MAPRE3: variants seen among roughly 807,000 people sequenced by gnomAD.
The protein encoded by MAPRE3 is microtubule associated protein RP/EB family member 3.
In MAPRE3, 2 loss-of-function variants were observed where a neutral mutation model predicts 30.5. That is an observed-to-expected ratio of 0.07 (90% CI 0.03 to 0.21). The LOEUF (loss-of-function observed/expected upper bound fraction) is 0.21, where lower values mean the gene tolerates loss of function less well. Ranked by LOEUF, MAPRE3 falls within the 10% of genes least tolerant of loss-of-function variation. The pLI is 1.00. For missense variants in MAPRE3, 204 were observed against 351.8 expected, an observed-to-expected ratio of 0.58 and a Z score of 3.36; for synonymous variants, 110 against 127.7, an observed-to-expected ratio of 0.86 and a Z score of 0.93.
At chr2:27,000,287 C>G (rs1666563911) in intron 1 of MAPRE3, among the ~76,000 whole-genome samples, 1 of 152,170 alleles carries the variant, frequency 6.6e-6, no homozygotes, top group Non-Finnish European at 1.5e-5. Flanking sequence ...GGTTGAAAGA[C>G]ATGGTTTCTG....
At chr2:27,008,855 G>T (rs1015067380) in intron 1 of MAPRE3, among the ~76,000 whole-genome samples, 1 of 152,148 alleles carries the variant, frequency 6.6e-6, no homozygotes, top group African/African-American at 2.4e-5. Flanking sequence ...GCCATTGTTT[G>T]GAATACTACT....
intron 1 of MAPRE3, among the ~76,000 whole-genome samples, chr2:26,993,358 G>A (rs926822709): frequency 6.6e-5 from 10 of 151,960 alleles, no homozygotes; most frequent in African/African-American, 2.4e-4. Flanking sequence ...CAACAAGAGT[G>A]GAACTCATCT....
At chr2:27,011,577 G>A (rs1666855981) in intron 1 of MAPRE3, among the ~76,000 whole-genome samples, 1 of 152,168 alleles carries the variant, frequency 6.6e-6, no homozygotes, top group Non-Finnish European at 1.5e-5. Context: ...CGGACCTGGT[G>A]GCTCATGCCT....
intron 1 of MAPRE3, among the ~76,000 whole-genome samples, chr2:27,007,313 G>A (rs1409195079): frequency 6.6e-6 from 1 of 152,186 alleles, no homozygotes; most frequent in Non-Finnish European, 1.5e-5. Flanking sequence ...AAGAAGTTTG[G>A]ACTTGGTTAA....
At chr2:27,007,862 C>T (rs1243950795) in intron 1 of MAPRE3, among the ~76,000 whole-genome samples, 1 of 152,220 alleles carries the variant, frequency 6.6e-6, no homozygotes, top group African/African-American at 2.4e-5. Flanking sequence ...GTATTTGATT[C>T]TACTCAGAGA....
intron 1 of MAPRE3, among the ~76,000 whole-genome samples, chr2:26,989,103 G>A (rs1031600608): frequency 6.6e-6 from 1 of 152,116 alleles, no homozygotes; most frequent in African/African-American, 2.4e-5. Context: ...CAGCACCAAT[G>A]TATCCCACAT....
rs1204194047 is a variant in MAPRE3, at chr2:26,986,373, A to G, written c.-8+15571A>G. 2.6e-5 allele frequency: 4 copies of G among 152,224 alleles called. No individual in the cohort carries two copies. The highest frequency in any genetic ancestry group is 5.9e-5 in the Non-Finnish European group (4 of 68,036). The allele number at this position is 152,224 out of a possible 1,614,324, so 9.4% of individuals were successfully genotyped here. A position where few individuals can be genotyped will look rare whatever the true frequency, so the allele number is the denominator to read the frequency against. ...ATGTTCCAGGGATTAGGACACGGACATCTTTGAGAACCTACCATAGTCTGT... is the reference window on the plus strand; with the variant it reads ...ATGTTCCAGGGATTAGGACACGGACGTCTTTGAGAACCTACCATAGTCTGT... On this transcript the variant is annotated intron_variant, in intron 1 of 6. Coordinates refer to ENST00000233121, the MANE Select transcript of MAPRE3 (RefSeq NM_012326.4). The surrounding 1 kb of genome is among the most constrained non-coding windows in gnomAD (Gnocchi z 4.2).
At chr2:26,995,425 C>G (rs1666430103) in intron 1 of MAPRE3, 1 of 152,174 alleles carries the variant, frequency 6.6e-6, no homozygotes, top group South Asian at 2.1e-4. Flanking sequence ...GGCAGGGAAA[C>G]TGCAAGTTGA....
At chr2:27,022,480 A>T in intron 2 of MAPRE3, 141 bp downstream of exon 2, 1 of 1,123,316 alleles carries the variant, frequency 8.9e-7, no homozygotes, top group Non-Finnish European at 1.3e-6. Context: ...TCCTTAGGCG[A>T]TGTTGTTGTT....
chr2:26,970,750 C>A lies in MAPRE3; in HGVS notation c.-60C>A. The A allele has an allele frequency of 6.5e-6, 1 of 153,022 alleles. No individual in the cohort carries two copies. The highest frequency in any genetic ancestry group is 2.0e-4 in the South Asian group (1 of 4,996). The allele number at this position is 153,022 out of a possible 1,614,324, so 9.5% of individuals were successfully genotyped here. On this transcript the variant is annotated 5_prime_UTR_variant, in exon 1 of 7. Transcript: ENST00000233121. ...GGAGCCGCAGCCTCTGCCGCAGCGCCCCCGCCACCTGTCCCCTCCCCCTCC... is the reference window on the plus strand; with the variant it reads ...GGAGCCGCAGCCTCTGCCGCAGCGCACCCGCCACCTGTCCCCTCCCCCTCC...
chr2:27,025,636 C>A lies in MAPRE3; in HGVS notation c.523C>A (p.Leu175Met). The A allele has an allele frequency of 6.2e-7, 1 of 1,607,100 alleles. No individual in the cohort carries two copies. The highest frequency in any genetic ancestry group is 8.5e-7 in the Non-Finnish European group (1 of 1,176,484). The stretch of plus-strand genomic sequence containing the variant: ...AAAAAACATGCAGACCTCTGGCCGG[C>A]TGAGCAATGTGGCCCCCCCCTGCAT... ...GPKNMQTSGR[L>M]SNVAPPCILR... The change falls in exon 5 of 7, where the codon CTG (leucine) becomes ATG (methionine). Residue 175 changes from leucine (L) to methionine (M), a missense_variant. Transcript: ENST00000233121.
At chr2:27,004,976 C>G (rs2148215591) in intron 1 of MAPRE3, among the ~76,000 whole-genome samples, 1 of 152,088 alleles carries the variant, frequency 6.6e-6, no homozygotes, top group African/African-American at 2.4e-5. Context: ...CACTAGTAAT[C>G]AAAGAAACAT....
chr2:27,021,587 T>TA (rs1433182999), intron 1 of MAPRE3, among the ~76,000 whole-genome samples: 1 of 152,188 alleles, frequency 6.6e-6, no homozygotes. Context: ...TAAAACCCTC[T>TA]AATGGCTTCC....
chr2:27,009,937 C>T (rs2148218722), intron 1 of MAPRE3: 1 of 152,382 alleles, frequency 6.6e-6, no homozygotes, highest in South Asian at 2.1e-4. Context: ...CAGCTCTCAC[C>T]TAAGTTCATT....
intron 1 of MAPRE3, among the ~76,000 whole-genome samples, chr2:26,993,733 GC>G (rs1486223057): frequency 2.6e-5 from 4 of 152,148 alleles, no homozygotes; most frequent in African/African-American, 9.7e-5. Context: ...GGAGTCATCT[GC>G]CCCCTTCTCA....
At chr2:26,976,930 A>G (rs1469697516) in intron 1 of MAPRE3, among the ~76,000 whole-genome samples, 1 of 152,262 alleles carries the variant, frequency 6.6e-6, no homozygotes, top group Non-Finnish European at 1.5e-5. Flanking sequence ...AAGATTTATT[A>G]ATGCAACATT....
chr2:26,978,377 T>A (rs1222148338), intron 1 of MAPRE3, among the ~76,000 whole-genome samples: 3 of 152,188 alleles, frequency 2.0e-5, no homozygotes, highest in Non-Finnish European at 2.9e-5. Flanking sequence ...AGTGGCATAA[T>A]GTGTGCTGTG....
chr2:26,984,929 C>T (rs1273722823), intron 1 of MAPRE3: 1 of 152,194 alleles, frequency 6.6e-6, no homozygotes, highest in African/African-American at 2.4e-5. Flanking sequence ...GTTTTGAACT[C>T]ACCCCTAGGA....
At position 27,023,820 on chromosome 2, in the gene MAPRE3, A is replaced by G. The variant is rs555186089; in HGVS notation, c.268-276A>G. ...CTCACTCTACTGCCTCGGTGGCTGC[A>G]GACCCCCAGCCCACACGCAGGCAGT... On this transcript the variant is annotated intron_variant, in intron 3 of 6. Transcript: ENST00000233121. The G allele has an allele frequency of 1.2e-5, 6 of 509,396 alleles. No individual in the cohort carries two copies. In the East Asian group the frequency reaches 1.7e-4, roughly 15 times the overall value. 31.6% of individuals were successfully genotyped at this position (509,396 alleles called of 1,614,324 possible). A position where few individuals can be genotyped will look rare whatever the true frequency, so the allele number is the denominator to read the frequency against.
Sources: gnomAD v4.1 joint callset for allele counts (sites outside exome capture counted in the v4.1 genomes callset) on GRCh38, gnomAD v4.1.1 for gene constraint, Gnocchi (gnomAD v3.1) non-coding constraint, MANE v1.5 for transcripts, NCBI Gene and HGNC (gene_info 2026-07-23, HGNC 2026-07-21) for gene names.